Variants in TCF4 observed in about 807,000 individuals in gnomAD.
TCF4 encodes SL3-3 enhancer factor 2.
A neutral mutation model predicts 82.1 loss-of-function variants in TCF4; 3 were observed. That is an observed-to-expected ratio of 0.04 (90% CI 0.02 to 0.09). The LOEUF is 0.09. TCF4 is among the 10% of genes least tolerant of loss of function. The pLI is 1.00. For missense variants in TCF4, 518 were observed against 852.7 expected (o/e 0.61, Z 4.89); for synonymous variants, 276 against 309.6 (o/e 0.89, Z 1.14).
chr18:55,513,281 C>T (rs976514891), intron 3 of TCF4, among the ~76,000 whole-genome samples: 4 of 152,008 alleles, frequency 2.6e-5, no homozygotes, highest in Non-Finnish European at 5.9e-5. Context: ...GACAAAACCT[C>T]TCTGAGATCT....
At chr18:55,514,135 T>C (rs889678648) in intron 3 of TCF4, among the ~76,000 whole-genome samples, 1 of 152,158 alleles carries the variant, frequency 6.6e-6, no homozygotes, top group Admixed American at 6.6e-5. Context: ...TTCTCTCCTA[T>C]CTTCCATCTC....
chr18:55,446,679 G>A (rs1037872232), intron 5 of TCF4, among the ~76,000 whole-genome samples: 5 of 152,280 alleles, frequency 3.3e-5, no homozygotes, highest in Non-Finnish European at 5.9e-5. Flanking sequence ...CTGGTACACA[G>A]TGAGTACCCA....
At chr18:55,438,920 G>A (rs1170328150) in intron 5 of TCF4, among the ~76,000 whole-genome samples, 5 of 152,144 alleles carry the variant, frequency 3.3e-5, no homozygotes. Context: ...ACAGATTAAT[G>A]CTGAGAACAG....
chr18:55,622,008 A>G (rs1356720869), intron 2 of TCF4, among the ~76,000 whole-genome samples: 4 of 123,256 alleles, frequency 3.2e-5, no homozygotes, highest in Non-Finnish European at 6.2e-5. Context: ...TATATACACT[A>G]TATATATTAT....
At chr18:55,574,609 G>A (rs989981081) in intron 3 of TCF4, among the ~76,000 whole-genome samples, 1 of 152,172 alleles carries the variant, frequency 6.6e-6, no homozygotes, top group South Asian at 2.1e-4. Flanking sequence ...AAAGTGCCGG[G>A]ATTATAGGCA....
At chr18:55,428,205 C>T (rs1344131746) in intron 5 of TCF4, among the ~76,000 whole-genome samples, 1 of 152,150 alleles carries the variant, frequency 6.6e-6, no homozygotes, top group African/African-American at 2.4e-5. Context: ...ACACCCATCC[C>T]CTCCTTCTTA....
At chr18:55,246,205 G>A (rs1437976261) in intron 15 of TCF4, among the ~76,000 whole-genome samples, 2 of 151,548 alleles carry the variant, frequency 1.3e-5, no homozygotes, top group African/African-American at 4.9e-5. Flanking sequence ...AGAATATGAT[G>A]AGGTTATAGG....
intron 3 of TCF4, among the ~76,000 whole-genome samples, chr18:55,472,094 A>G (rs2096196605): frequency 6.6e-6 from 1 of 152,208 alleles, no homozygotes. Flanking sequence ...GTTCAAAATA[A>G]CCTGTTTTTC....
intron 6 of TCF4, among the ~76,000 whole-genome samples, chr18:55,384,804 A>G (rs1379658802): frequency 6.6e-6 from 1 of 152,106 alleles, no homozygotes; most frequent in East Asian, 1.9e-4. Flanking sequence ...GTACCTCAAT[A>G]TTGGCGGTGG....
intron 2 of TCF4, among the ~76,000 whole-genome samples, chr18:55,600,715 C>T (rs1238648340): frequency 6.6e-6 from 1 of 152,178 alleles, no homozygotes; most frequent in Non-Finnish European, 1.5e-5. Context: ...TCTTTGGGAC[C>T]ATTGGAGTGC....
chr18:55,340,583 CAAAA>C (rs11428164), intron 8 of TCF4, among the ~76,000 whole-genome samples: 4 of 65,444 alleles, frequency 6.1e-5, no homozygotes, highest in African/African-American at 2.4e-4. Context: ...GACCCCATCT[CAAAA>C]AAAAAAAAAA....
intron 6 of TCF4, among the ~76,000 whole-genome samples, chr18:55,361,050 C>A (rs1387475757): frequency 6.6e-6 from 1 of 152,068 alleles, no homozygotes; most frequent in Non-Finnish European, 1.5e-5. Flanking sequence ...TAAAAGAAAG[C>A]TACAGGACAT....
intron 6 of TCF4, among the ~76,000 whole-genome samples, chr18:55,354,093 G>T (rs1174978996): frequency 6.6e-6 from 1 of 152,132 alleles, no homozygotes; most frequent in Non-Finnish European, 1.5e-5. Context: ...TTAGCATTTT[G>T]CTTAACTGTC....
intron 8 of TCF4, among the ~76,000 whole-genome samples, chr18:55,300,311 C>T (rs147008137): frequency 6.6e-6 from 1 of 151,764 alleles, no homozygotes; most frequent in African/African-American, 2.4e-5. Flanking sequence ...TGGGACTGAA[C>T]AGAAGAGTGG....
intron 5 of TCF4, among the ~76,000 whole-genome samples, chr18:55,407,434 T>A (rs186261428): frequency 6.6e-6 from 1 of 152,276 alleles, no homozygotes; most frequent in Admixed American, 6.5e-5. Flanking sequence ...GAGATCAACA[T>A]GCAGCCCCGT....
At chr18:55,280,567 G>T (rs2062380869) in intron 8 of TCF4, among the ~76,000 whole-genome samples, 2 of 151,232 alleles carry the variant, frequency 1.3e-5, no homozygotes, top group Non-Finnish European at 1.5e-5. Context: ...ATTTTCTTTT[G>T]CTCTCAAAGT....
chr18:55,361,440 C>G (rs1366914933), intron 6 of TCF4, among the ~76,000 whole-genome samples: 1 of 152,224 alleles, frequency 6.6e-6, no homozygotes, highest in Admixed American at 6.5e-5. Flanking sequence ...GTCAGAGTCA[C>G]ATGGAATTGC....
At chr18:55,259,627 TC>T in intron 13 of TCF4, 1 of 281,996 alleles carries the variant, frequency 3.5e-6, no homozygotes, top group Non-Finnish European at 6.7e-6. Flanking sequence ...TGAGTTTTTT[TC>T]ATCTGAGACG....
intron 3 of TCF4, among the ~76,000 whole-genome samples, chr18:55,514,582 A>G (rs1603618220): frequency 6.6e-6 from 1 of 152,206 alleles, no homozygotes; most frequent in African/African-American, 2.4e-5. Context: ...TTAAAGAAAT[A>G]CACAGCTGCT....
Sources: allele counts gnomAD v4.1 joint callset (sites outside exome capture counted in the v4.1 genomes callset), GRCh38; gene constraint gnomAD v4.1.1; transcripts MANE v1.5; gene names NCBI Gene and HGNC (gene_info 2026-07-23, HGNC 2026-07-21).